The following INPP4B variants were observed in gnomAD, a reference collection of about 807,000 sequenced individuals.
The protein encoded by INPP4B is inositol polyphosphate 4-phosphatase type II.
In INPP4B, 55 loss-of-function variants were observed where a neutral mutation model predicts 122.5. The ratio of observed to expected loss-of-function variants is 0.45; its 90% confidence interval spans 0.36 to 0.56. The LOEUF is 0.56. Ranked by LOEUF, INPP4B falls within the 20% of genes least tolerant of loss-of-function variation. INPP4B has a pLI of 0.00. For synonymous variants in INPP4B, 403 were observed against 388.7 expected (o/e 1.04, Z -0.43); for missense variants, 1,000 against 1,097.7 (o/e 0.91, Z 1.26).
chr4:142,821,178 C>T (rs1313225782), intron 1 of INPP4B, among the ~76,000 whole-genome samples: 2 of 152,000 alleles, frequency 1.3e-5, no homozygotes, highest in African/African-American at 2.4e-5. Flanking sequence ...ATTTTTAGTT[C>T]ACATTTTTAG....
rs534222287 is a variant in INPP4B at position 142,083,708 on chromosome 4, T to C, written c.2488-1523A>G. Among the ~76,000 whole-genome samples, 17 of 152,296 alleles carry C rather than the reference T, an allele frequency of 1.1e-4. No homozygotes were observed. In the South Asian group the frequency reaches 3.5e-3, roughly 32 times the overall value. ...AGACCTTTGGTACTTCTATTTCCAA[T>C]ATAAGTGACTAGAAAAATGTGAGAG... On this transcript the variant is annotated intron_variant, in intron 24 of 25. Transcript: ENST00000262992.
chr4:142,655,987 TA>T (rs1413809678), intron 2 of INPP4B, among the ~76,000 whole-genome samples: 1 of 152,164 alleles, frequency 6.6e-6, no homozygotes, highest in Non-Finnish European at 1.5e-5. Flanking sequence ...GTAAAATAAA[TA>T]CTGAATATTA....
chr4:142,090,033 A>T (rs1189511824), intron 23 of INPP4B, among the ~76,000 whole-genome samples: 2 of 152,220 alleles, frequency 1.3e-5, no homozygotes, highest in African/African-American at 4.8e-5. Context: ...TTAACACAAT[A>T]GACCAAATTC....
At chr4:142,139,649 T>C (rs1224793423) in intron 18 of INPP4B, among the ~76,000 whole-genome samples, 1 of 152,122 alleles carries the variant, frequency 6.6e-6, no homozygotes, top group Admixed American at 6.5e-5. Flanking sequence ...ATAGCTAATC[T>C]AGGGAACCAA....
intron 2 of INPP4B, among the ~76,000 whole-genome samples, chr4:142,621,887 C>T (rs897076394): frequency 6.6e-6 from 1 of 151,826 alleles, no homozygotes; most frequent in Non-Finnish European, 1.5e-5. Context: ...AGTAGTATAA[C>T]TTACTTGTCT....
chr4:142,466,581 G>A (rs1817830457), intron 2 of INPP4B, among the ~76,000 whole-genome samples: 1 of 152,194 alleles, frequency 6.6e-6, no homozygotes, highest in African/African-American at 2.4e-5. Context: ...TGTGGCAGAG[G>A]GGAAGAAAAA....
intron 8 of INPP4B, among the ~76,000 whole-genome samples, chr4:142,314,254 G>C (rs139610568): frequency 1.4e-4 from 22 of 152,256 alleles, no homozygotes; most frequent in Non-Finnish European, 3.1e-4. Flanking sequence ...AACCTCAGCA[G>C]GATTTTCCAA....
chr4:142,441,235 A>T (rs1811646799), intron 3 of INPP4B, among the ~76,000 whole-genome samples: 1 of 152,308 alleles, frequency 6.6e-6, no homozygotes, highest in East Asian at 1.9e-4. Context: ...AGAGGTTAAT[A>T]TTCAAGGAAA....
chr4:142,275,358 A>G (rs983319569), intron 9 of INPP4B, among the ~76,000 whole-genome samples: 1 of 151,872 alleles, frequency 6.6e-6, no homozygotes, highest in African/African-American at 2.4e-5. Flanking sequence ...CTCTGTAAAC[A>G]CCTAGGGACA....
chr4:142,401,995 G>A (rs1459226257), intron 7 of INPP4B, among the ~76,000 whole-genome samples: 1 of 152,204 alleles, frequency 6.6e-6, no homozygotes, highest in Admixed American at 6.5e-5. Context: ...AGAATGGAAA[G>A]AAGAGAAAGT....
intron 7 of INPP4B, among the ~76,000 whole-genome samples, chr4:142,321,890 T>A (rs1770222299): frequency 6.6e-6 from 1 of 152,234 alleles, no homozygotes; most frequent in Non-Finnish European, 1.5e-5. Context: ...AGATTTGTTC[T>A]AATGAAATTT....
At chr4:142,129,104 G>GA (rs949219809) in intron 18 of INPP4B, among the ~76,000 whole-genome samples, 2 of 152,178 alleles carry the variant, frequency 1.3e-5, no homozygotes, top group Non-Finnish European at 2.9e-5. Flanking sequence ...GAAGAAATGA[G>GA]CCAGCTCTTA....
chr4:142,746,700 G>T (rs567146689), intron 1 of INPP4B, among the ~76,000 whole-genome samples: 4 of 151,860 alleles, frequency 2.6e-5, no homozygotes, highest in Non-Finnish European at 5.9e-5. Context: ...CAGAACAGAG[G>T]CCTCAGAAAT....
chr4:142,289,160 C>A (rs961529061), intron 9 of INPP4B, among the ~76,000 whole-genome samples: 1 of 150,768 alleles, frequency 6.6e-6, no homozygotes. Flanking sequence ...CTAAAATATA[C>A]TTTTAGCAGT....
intron 25 of INPP4B, among the ~76,000 whole-genome samples, chr4:142,055,427 A>C (rs2152414094): frequency 6.6e-6 from 1 of 152,218 alleles, no homozygotes; most frequent in African/African-American, 2.4e-5. Flanking sequence ...CAATTCATAA[A>C]GTAAAGCAGG....
intron 15 of INPP4B, among the ~76,000 whole-genome samples, chr4:142,181,960 T>C (rs1830973539): frequency 6.6e-6 from 1 of 152,216 alleles, no homozygotes; most frequent in South Asian, 2.1e-4. Context: ...TAAAGACCCA[T>C]AAGGAATTGA....
At chr4:142,032,849 A>AT (rs1226649010) in intron 25 of INPP4B, among the ~76,000 whole-genome samples, 6 of 152,220 alleles carry the variant, frequency 3.9e-5, no homozygotes, top group Admixed American at 3.3e-4. Context: ...GCAAGCATTC[A>AT]ATAACTTATG....
intron 11 of INPP4B, among the ~76,000 whole-genome samples, chr4:142,250,389 TTCA>T (rs1338500833): frequency 6.6e-6 from 1 of 152,222 alleles, no homozygotes; most frequent in African/African-American, 2.4e-5. Flanking sequence ...CAGTAAGTAC[TTCA>T]TAACTCACTG....
At chr4:142,156,491 G>A (rs1817279568) in intron 17 of INPP4B, among the ~76,000 whole-genome samples, 1 of 152,074 alleles carries the variant, frequency 6.6e-6, no homozygotes, top group South Asian at 2.1e-4. Context: ...AAAGAGAATG[G>A]TATGTTAGTC....
Sources: allele counts gnomAD v4.1 joint callset (sites outside exome capture counted in the v4.1 genomes callset), GRCh38; gene constraint gnomAD v4.1.1; transcripts MANE v1.5; gene names NCBI Gene and HGNC (gene_info 2026-07-23, HGNC 2026-07-21).